ZNF423: variants seen among roughly 807,000 people sequenced by gnomAD.
ZNF423 encodes the protein Ebf-associated zinc finger protein.
ZNF423 carries 12 observed loss-of-function variants against 95.8 expected under a neutral mutation model. The observed-to-expected ratio is 0.13, with a 90% CI of 0.08 to 0.20. The LOEUF is 0.20. Among genes scored for constraint, ZNF423 ranks in the 10% least tolerant of loss-of-function variants. ZNF423 has a pLI of 1.00. For synonymous variants in ZNF423, 749 were observed against 711.9 expected, an observed-to-expected ratio of 1.05 and a Z score of -0.83; for missense variants, 1,316 against 1,737.1, an observed-to-expected ratio of 0.76 and a Z score of 4.31.
intron 2 of ZNF423, among the ~76,000 whole-genome samples, chr16:49,753,069 C>T (rs1475603384): frequency 6.6e-6 from 1 of 152,130 alleles, no homozygotes; most frequent in Admixed American, 6.5e-5. Flanking sequence ...CATGGTGAAG[C>T]CCCATCTCTA....
At chr16:49,768,249 G>A (rs568499608) in intron 2 of ZNF423, among the ~76,000 whole-genome samples, 4 of 152,312 alleles carry the variant, frequency 2.6e-5, no homozygotes, top group South Asian at 4.1e-4. Context: ...ACGGGGGCGC[G>A]GCGCGGACAC....
chr16:49,673,730 G>T (rs1324150476), intron 3 of ZNF423, among the ~76,000 whole-genome samples: 1 of 152,208 alleles, frequency 6.6e-6, no homozygotes, highest in Non-Finnish European at 1.5e-5. Flanking sequence ...CCCATGGGGG[G>T]CTACAAACCG....
At chr16:49,826,355 G>A (rs756047004) in intron 1 of ZNF423, among the ~76,000 whole-genome samples, 3 of 152,214 alleles carry the variant, frequency 2.0e-5, no homozygotes, top group Non-Finnish European at 4.4e-5. Context: ...GAGAGGCAAA[G>A]CTCTCAACAT....
intron 7 of ZNF423, among the ~76,000 whole-genome samples, chr16:49,493,336 C>T (rs1372088054): frequency 6.6e-6 from 1 of 152,182 alleles, no homozygotes; most frequent in Non-Finnish European, 1.5e-5. Flanking sequence ...CAGCCCACCT[C>T]CCACACAGCC....
At chr16:49,673,555 C>T (rs2030914069) in intron 3 of ZNF423, among the ~76,000 whole-genome samples, 1 of 152,254 alleles carries the variant, frequency 6.6e-6, no homozygotes, top group Admixed American at 6.5e-5. Context: ...AAAATTAAAG[C>T]AGGCATCTTT....
At chr16:49,624,967 TTA>T (rs1291765158) in intron 5 of ZNF423, among the ~76,000 whole-genome samples, 4 of 152,220 alleles carry the variant, frequency 2.6e-5, no homozygotes, top group African/African-American at 9.7e-5. Flanking sequence ...AGCTTCTCAC[TTA>T]TGAGAAGTTT....
chr16:49,731,070 C>G, intron 2 of ZNF423, 99 bp from the exon 3 acceptor site: 1 of 1,378,912 alleles, frequency 7.3e-7, no homozygotes, highest in South Asian at 1.3e-5. Context: ...TTTAATTACT[C>G]TACCTCCCGG....
intron 5 of ZNF423, among the ~76,000 whole-genome samples, chr16:49,562,310 G>T (rs1970044404): frequency 6.6e-6 from 1 of 152,212 alleles, no homozygotes; most frequent in East Asian, 1.9e-4. Context: ...CTGGATCCGT[G>T]TGAGTCTTAA....
At chr16:49,509,074 T>C (rs1967772878) in intron 7 of ZNF423, among the ~76,000 whole-genome samples, 1 of 152,206 alleles carries the variant, frequency 6.6e-6, no homozygotes, top group Non-Finnish European at 1.5e-5. Context: ...CTTTATATAT[T>C]ATCTTTACTT....
chr16:49,599,065 ATCCC>A (rs756108497), intron 5 of ZNF423, among the ~76,000 whole-genome samples: 4 of 152,166 alleles, frequency 2.6e-5, no homozygotes, highest in Non-Finnish European at 4.4e-5. Context: ...CTCAGCAGAA[ATCCC>A]TCCCTAACTG....
chr16:49,652,780 C>T (rs1415756216), intron 3 of ZNF423, among the ~76,000 whole-genome samples: 1 of 152,236 alleles, frequency 6.6e-6, no homozygotes, highest in East Asian at 1.9e-4. Flanking sequence ...CTGGAAACAG[C>T]TGCGCTCTAA....
intron 5 of ZNF423, among the ~76,000 whole-genome samples, chr16:49,583,140 C>T (rs1382678563): frequency 1.3e-5 from 2 of 152,322 alleles, no homozygotes; most frequent in African/African-American, 4.8e-5. Context: ...CAATTTTGGA[C>T]ACTAGCAAAG....
At chr16:49,853,498 G>A (rs1413043747) in intron 1 of ZNF423, among the ~76,000 whole-genome samples, 1 of 152,130 alleles carries the variant, frequency 6.6e-6, no homozygotes. Context: ...AAAAGCCATG[G>A]GAAGAATCAG....
intron 3 of ZNF423, among the ~76,000 whole-genome samples, chr16:49,656,281 C>T (rs2029878547): frequency 6.6e-6 from 1 of 152,108 alleles, no homozygotes; most frequent in Non-Finnish European, 1.5e-5. Flanking sequence ...GAGGCTGAGG[C>T]GGGTGGATCA....
intron 5 of ZNF423, among the ~76,000 whole-genome samples, chr16:49,584,721 T>C (rs1198676731): frequency 6.6e-6 from 1 of 152,198 alleles, no homozygotes; most frequent in Non-Finnish European, 1.5e-5. Context: ...CTGATGTCTC[T>C]CTGTCCAATT....
intron 5 of ZNF423, among the ~76,000 whole-genome samples, chr16:49,606,355 T>C (rs1184497396): frequency 2.0e-5 from 3 of 151,958 alleles, no homozygotes; most frequent in Non-Finnish European, 2.9e-5. Flanking sequence ...GGAAATGGTG[T>C]CATGCCAAGC....
chr16:49,715,992 G>A (rs2032694953), intron 3 of ZNF423, among the ~76,000 whole-genome samples: 1 of 152,078 alleles, frequency 6.6e-6, no homozygotes, highest in East Asian at 1.9e-4. Context: ...ATGCTGCAGT[G>A]AGCTGTGATA....
chr16:49,818,824 C>G (rs1022737428), intron 1 of ZNF423, among the ~76,000 whole-genome samples: 3 of 152,120 alleles, frequency 2.0e-5, no homozygotes, highest in African/African-American at 7.2e-5. Flanking sequence ...GAGTTCAAAA[C>G]TACAATGAGC....
intron 3 of ZNF423, among the ~76,000 whole-genome samples, chr16:49,706,617 A>C (rs1233995556): frequency 1.3e-5 from 2 of 152,246 alleles, no homozygotes; most frequent in Non-Finnish European, 2.9e-5. Flanking sequence ...GAAGGAAATT[A>C]AAACAAATGA....
Sources: gnomAD v4.1 joint callset for allele counts (sites outside exome capture counted in the v4.1 genomes callset) on GRCh38, gnomAD v4.1.1 for gene constraint, MANE v1.5 for transcripts, NCBI Gene and HGNC (gene_info 2026-07-23, HGNC 2026-07-21) for gene names.